Variants in LIMS1 observed in about 807,000 individuals in gnomAD.
LIMS1 encodes the protein LIM and senescent cell antigen-like-containing domain protein 1.
In LIMS1, 18 loss-of-function variants were observed where a neutral mutation model predicts 44.1. The observed-to-expected ratio is 0.41, with a 90% CI of 0.28 to 0.61. The LOEUF is 0.61. Among genes scored for constraint, LIMS1 ranks in the 20% least tolerant of loss-of-function variants. The probability of loss-of-function intolerance (pLI) is 0.32; values close to 1 mark genes in which losing one functional copy is unlikely to be tolerated. For synonymous variants in LIMS1, 93 were observed against 149.1 expected (o/e 0.62, Z 2.74); for missense variants, 201 against 422.0 (o/e 0.48, Z 4.59).
Position 108,600,996 on chromosome 2 carries a change from C to A in LIMS1, c.33-58609C>A, listed in dbSNP as rs201552783. ...TCACCCAGGCTGGAGTGCACTGATGCAGTCTCTGCTCACTGCAACTTCTGC... is the reference window on the plus strand; with the variant it reads ...TCACCCAGGCTGGAGTGCACTGATGAAGTCTCTGCTCACTGCAACTTCTGC... On this transcript the variant is annotated intron_variant, in intron 1 of 9. Coordinates refer to ENST00000544547, the Ensembl canonical transcript of LIMS1. Among the ~76,000 whole-genome samples the A allele has an allele frequency of 5.3e-5, 8 of 152,046 alleles. No homozygotes were observed. The East Asian group carries it at 1.2e-3, about 22-fold the overall frequency.
At chr2:108,535,964 G>A (rs1382606433) in intron 1 of LIMS1, among the ~76,000 whole-genome samples, 1 of 151,612 alleles carries the variant, frequency 6.6e-6, no homozygotes, top group Non-Finnish European at 1.5e-5. Flanking sequence ...AAGAGTCAAA[G>A]CTCAAGATTT....
chr2:108,574,924 T>C (rs1189202148), intron 1 of LIMS1, among the ~76,000 whole-genome samples: 1 of 152,222 alleles, frequency 6.6e-6, no homozygotes, highest in Non-Finnish European at 1.5e-5. Context: ...AAACTTAATA[T>C]AGATCCTACT....
At chr2:108,558,782 T>G (rs971802709) in intron 1 of LIMS1, among the ~76,000 whole-genome samples, 11 of 151,924 alleles carry the variant, frequency 7.2e-5, no homozygotes, top group Middle Eastern at 3.2e-3. Flanking sequence ...GCAATTCTCT[T>G]GCCTCAGCCT....
chr2:108,643,325 C>T (rs556385622), intron 1 of LIMS1, among the ~76,000 whole-genome samples: 1 of 152,314 alleles, frequency 6.6e-6, no homozygotes, highest in East Asian at 1.9e-4. Context: ...ACTGGTTGGA[C>T]AGTGGGTGCA....
chr2:108,596,518 G>A (rs1334101984), intron 1 of LIMS1, among the ~76,000 whole-genome samples: 162 of 152,282 alleles, frequency 1.1e-3, no homozygotes, highest in Admixed American at 0.01. Context: ...TTCCCCATTA[G>A]GGATGTATGT....
intron 1 of LIMS1, among the ~76,000 whole-genome samples, chr2:108,582,508 CAT>C (rs1246746085): frequency 6.6e-6 from 1 of 152,196 alleles, no homozygotes; most frequent in Non-Finnish European, 1.5e-5. Context: ...GTGGCTCACA[CAT>C]GTAATCCCAG....
At chr2:108,630,708 G>A (rs1014184609) in intron 1 of LIMS1, among the ~76,000 whole-genome samples, 1 of 150,046 alleles carries the variant, frequency 6.7e-6, no homozygotes, top group African/African-American at 2.5e-5. Context: ...AAGCCCCTGA[G>A]ATTCCCTCTG....
chr2:108,632,923 C>T (rs1689012170), intron 1 of LIMS1, among the ~76,000 whole-genome samples: 1 of 152,166 alleles, frequency 6.6e-6, no homozygotes, highest in South Asian at 2.1e-4. Context: ...AATGAGAAAG[C>T]ACTGACATTG....
intron 1 of LIMS1, among the ~76,000 whole-genome samples, chr2:108,560,667 T>G (rs957376147): frequency 4.6e-5 from 7 of 151,966 alleles, no homozygotes; most frequent in Non-Finnish European, 8.8e-5. Context: ...TGTTCACTGC[T>G]AAACACAAAC....
At chr2:108,660,830 A>G (rs1376904444) in intron 2 of LIMS1, 1 of 160,852 alleles carries the variant, frequency 6.2e-6, no homozygotes, top group Non-Finnish European at 1.4e-5. Flanking sequence ...TGTGTGTTAG[A>G]TCAAATAGGT....
rs568841465 is a variant in LIMS1, at chr2:108,550,849, A to G, written c.32+16255A>G. 7.9e-5 allele frequency among the ~76,000 whole-genome samples: 11 copies of G among 139,554 alleles called. 1 individual carries two copies. In the South Asian group the frequency reaches 2.5e-3, roughly 32 times the overall value. 91.6% of individuals were successfully genotyped at this position (139,554 alleles called of 152,430 possible). ...AAAAACCCAGCTTTAGGCCAGGTGC[A>G]GTGGCTCATGCCTGTAATCCCAGCA... is the stretch of plus-strand genomic sequence containing the variant. On this transcript the variant is annotated intron_variant, in intron 1 of 9. Transcript: ENST00000544547.
At chr2:108,568,009 A>G (rs890766495) in intron 1 of LIMS1, among the ~76,000 whole-genome samples, 2 of 152,236 alleles carry the variant, frequency 1.3e-5, no homozygotes, top group African/African-American at 4.8e-5. Context: ...AAAATTGGGT[A>G]AATGGTTATT....
chr2:108,675,832 C>G (rs2149006498), intron 5 of LIMS1, 46 bp from the exon 6 acceptor site: 1 of 1,613,160 alleles, frequency 6.2e-7, no homozygotes, highest in Non-Finnish European at 8.5e-7. Context: ...ATTGGTTGGC[C>G]ACTTTTCTCT....
At chr2:108,551,699 T>C (rs1684721721) in intron 1 of LIMS1, among the ~76,000 whole-genome samples, 1 of 146,260 alleles carries the variant, frequency 6.8e-6, no homozygotes, top group South Asian at 2.1e-4. Context: ...ATACATACAC[T>C]AGTATATATG....
chr2:108,552,727 C>T (rs2104594340), intron 1 of LIMS1, among the ~76,000 whole-genome samples: 1 of 151,656 alleles, frequency 6.6e-6, no homozygotes, highest in East Asian at 1.9e-4. Context: ...CAGGCATGTG[C>T]CACCATGACA....
intron 1 of LIMS1, among the ~76,000 whole-genome samples, chr2:108,580,458 A>G (rs1411981056): frequency 6.6e-6 from 1 of 152,112 alleles, no homozygotes; most frequent in Non-Finnish European, 1.5e-5. Flanking sequence ...AGTGGACGAC[A>G]TGGGTACCCA....
chr2:108,570,140 G>A (rs189032775), intron 1 of LIMS1, among the ~76,000 whole-genome samples: 1 of 151,992 alleles, frequency 6.6e-6, no homozygotes, highest in African/African-American at 2.4e-5. Context: ...AGACATTATA[G>A]TAATACTAGG....
intron 1 of LIMS1, among the ~76,000 whole-genome samples, chr2:108,612,471 C>CTT (rs1271414469): frequency 1.4e-5 from 2 of 143,630 alleles, no homozygotes; most frequent in African/African-American, 5.1e-5. Context: ...TAGAATCTGC[C>CTT]TTTTTTTTTT....
intron 1 of LIMS1, chr2:108,607,083 A>G: frequency 1.4e-6 from 1 of 713,408 alleles, no homozygotes; most frequent in East Asian, 2.7e-5. Context: ...TTAGGTCACG[A>G]GAACAGAGCT....
Sources: gnomAD v4.1 joint callset for allele counts (sites outside exome capture counted in the v4.1 genomes callset) on GRCh38, gnomAD v4.1.1 for gene constraint, MANE v1.5 for transcripts, NCBI Gene and HGNC (gene_info 2026-07-23, HGNC 2026-07-21) for gene names.